ASNS: variants seen among roughly 807,000 people sequenced by gnomAD.
The protein encoded by ASNS is asparagine synthetase [glutamine-hydrolyzing].
In ASNS, 37 loss-of-function variants were observed where a neutral mutation model predicts 62.6. The observed-to-expected ratio is 0.59, with a 90% CI of 0.45 to 0.78. The LOEUF (loss-of-function observed/expected upper bound fraction) is 0.78, where lower values mean the gene tolerates loss of function less well. Among genes scored for constraint, ASNS ranks in the 30% least tolerant of loss-of-function variants. ASNS has a pLI of 0.00. For synonymous variants in ASNS, 207 were observed against 237.9 expected, an observed-to-expected ratio of 0.87 and a Z score of 1.19; for missense variants, 520 against 682.4, an observed-to-expected ratio of 0.76 and a Z score of 2.65.
chr7:97,876,429 ATT>A (rs56382958), upstream of ASNS, among the ~76,000 whole-genome samples: 425 of 137,194 alleles, frequency 3.1e-3, 2 homozygotes, highest in African/African-American at 0.011. Flanking sequence ...ACTCAAACAT[ATT>A]TTTTTTTTTT....
the ASNS span, among the ~76,000 whole-genome samples, chr7:97,897,752 T>A: frequency 6.6e-6 from 1 of 152,224 alleles, no homozygotes; most frequent in Non-Finnish European, 1.5e-5. Context: ...ATCCCACTCC[T>A]GGGTATATAT....
chr7:97,912,439 A>G, the ASNS span, among the ~76,000 whole-genome samples: 1 of 152,158 alleles, frequency 6.6e-6, no homozygotes, highest in East Asian at 1.9e-4. Context: ...AGACCCTGTA[A>G]ACAGGGAGAC....
At chr7:97,909,811 A>C in the ASNS span, among the ~76,000 whole-genome samples, 64 of 152,170 alleles carry the variant, frequency 4.2e-4, no homozygotes, top group South Asian at 1.5e-3. Context: ...CTTAAGCTGC[A>C]CTGGCTTCCA....
the ASNS span, among the ~76,000 whole-genome samples, chr7:97,880,915 T>TTG: frequency 2.0e-4 from 29 of 148,650 alleles, no homozygotes; most frequent in South Asian, 6.6e-4. Flanking sequence ...TTTTTGGTTT[T>TTG]TGTGTGTGTG....
the ASNS span, among the ~76,000 whole-genome samples, chr7:97,922,869 G>T: frequency 2.0e-5 from 3 of 152,104 alleles, no homozygotes; most frequent in Admixed American, 6.5e-5. Context: ...TCGGCTGACT[G>T]CAACCTCTGT....
chr7:97,855,106 C>T, intron 9 of ASNS: 1 of 427,802 alleles, frequency 2.3e-6, no homozygotes, highest in African/African-American at 2.0e-5. Flanking sequence ...GCCTCCTCAG[C>T]AGCTGGGGGT....
the ASNS span, among the ~76,000 whole-genome samples, chr7:97,905,149 G>A: frequency 9.9e-5 from 15 of 151,952 alleles, no homozygotes; most frequent in East Asian, 3.9e-4. Flanking sequence ...ATCTAACATC[G>A]CCACTCTAGC....
the ASNS span, among the ~76,000 whole-genome samples, chr7:97,917,539 C>A: frequency 6.6e-6 from 1 of 150,764 alleles, no homozygotes. Context: ...CCAGCTCAGC[C>A]GGGGCTGCAG....
Position 97,855,416 on chromosome 7 carries a change from G to A in ASNS, c.1074C>T (p.Ser358=), listed in dbSNP as rs772593615. 9.9e-6 allele frequency: 16 copies of A among 1,612,236 alleles called. No individual in the cohort carries two copies. Among genetic ancestry groups the A allele is most frequent in the East Asian group, 2.2e-5 (1 of 44,830 alleles). The stretch of plus-strand genomic sequence containing the variant: ...ATCCTTCTCCAGAGAAGATCACCAC[G>A]CTATCTGTGTTCTTCCGAATATACT... ...ISKYIRKNTD[S]VVIFSGEGSD... Residue 358 remains serine (S), a synonymous_variant, in exon 9 of 13, where the codon AGC becomes AGT. Coordinates refer to ENST00000394308, the MANE Select transcript of ASNS (RefSeq NM_001673.5).
chr7:97,878,471 G>A, the ASNS span, among the ~76,000 whole-genome samples: 7 of 152,182 alleles, frequency 4.6e-5, no homozygotes, highest in African/African-American at 1.2e-4. Flanking sequence ...AAATCAATGC[G>A]CAAACATCAC....
chr7:97,901,189 CTG>C, the ASNS span, among the ~76,000 whole-genome samples: 11 of 152,214 alleles, frequency 7.2e-5, no homozygotes, highest in Admixed American at 6.5e-4. Flanking sequence ...CTGAGGGAGT[CTG>C]TATCTCAGTC....
chr7:97,926,906 GTCTC>G, the ASNS span, among the ~76,000 whole-genome samples: 41 of 150,824 alleles, frequency 2.7e-4, 1 homozygote, highest in South Asian at 7.5e-3. Flanking sequence ...GGGTCTGTCT[GTCTC>G]TCTCTCTCTC....
the ASNS span, among the ~76,000 whole-genome samples, chr7:97,926,960 G>A: frequency 6.6e-6 from 1 of 151,658 alleles, no homozygotes; most frequent in Non-Finnish European, 1.5e-5. Flanking sequence ...CCAGGCTGGA[G>A]TGCAGTGGCA....
chr7:97,892,073 A>G, the ASNS span, among the ~76,000 whole-genome samples: 1 of 152,186 alleles, frequency 6.6e-6, no homozygotes, highest in Non-Finnish European at 1.5e-5. Flanking sequence ...AGGCATTTCC[A>G]TACACCTTCT....
chr7:97,897,618 A>G, the ASNS span, among the ~76,000 whole-genome samples: 1 of 152,252 alleles, frequency 6.6e-6, no homozygotes, highest in Non-Finnish European at 1.5e-5. Flanking sequence ...AATGCTGGCA[A>G]GCATGTGAAG....
chr7:97,882,971 G>T, the ASNS span, among the ~76,000 whole-genome samples: 12 of 152,222 alleles, frequency 7.9e-5, no homozygotes, highest in Non-Finnish European at 1.8e-4. Flanking sequence ...AAGTGGGTTT[G>T]GCTGGAAATG....
In ASNS at chr7:97,864,163, A is replaced by G. The variant is rs1035512683; in HGVS notation, c.487+96T>C. 10 of 1,143,150 alleles carry G rather than the reference A, an allele frequency of 8.7e-6. No individual in the cohort carries two copies. The African/African-American group carries it at 1.4e-4, about 16-fold the overall frequency. The allele number at this position is 1,143,150 out of a possible 1,614,324, so 70.8% of individuals were successfully genotyped here. On this transcript the variant is annotated intron_variant, in intron 4 of 12. Transcript: ENST00000394308. ...GACTCATAACTTAGTCACTTGTAAA[A>G]TTCTGGATTGCTCTCTAAGAGATTT...
the ASNS span, among the ~76,000 whole-genome samples, chr7:97,884,665 C>T: frequency 3.9e-5 from 6 of 152,140 alleles, no homozygotes; most frequent in Non-Finnish European, 8.8e-5. Context: ...TCATCCCACC[C>T]CCTAGGCCTC....
At chr7:97,890,151 T>C in the ASNS span, among the ~76,000 whole-genome samples, 9 of 151,544 alleles carry the variant, frequency 5.9e-5, no homozygotes, top group African/African-American at 2.2e-4. Context: ...AATAATCCAG[T>C]CAGACAAAAA....
Sources: allele counts gnomAD v4.1 joint callset (sites outside exome capture counted in the v4.1 genomes callset), GRCh38; gene constraint gnomAD v4.1.1; transcripts MANE v1.5; gene names NCBI Gene and HGNC (gene_info 2026-07-23, HGNC 2026-07-21).